The following ANKRD50 variants were observed in gnomAD, a reference collection of about 807,000 sequenced individuals.
ANKRD50 encodes the protein ankyrin repeat domain 50.
In ANKRD50, 40 loss-of-function variants were observed where a neutral mutation model predicts 112.0. The ratio of observed to expected loss-of-function variants is 0.36; its 90% CI spans 0.28 to 0.46. The LOEUF (loss-of-function observed/expected upper bound fraction) is 0.46, where lower values mean the gene tolerates loss of function less well. Among genes scored for constraint, ANKRD50 ranks in the 20% least tolerant of loss-of-function variants. The pLI, the probability that ANKRD50 is intolerant of heterozygous loss-of-function variation, is 1.00. For synonymous variants in ANKRD50, 613 were observed against 619.1 expected (o/e 0.99, Z 0.15); for missense variants, 1,487 against 1,701.7 (o/e 0.87, Z 2.22).
At chr4:124,686,321 A>T (rs1725006033) in intron 2 of ANKRD50, among the ~76,000 whole-genome samples, 1 of 152,174 alleles carries the variant, frequency 6.6e-6, no homozygotes, top group Non-Finnish European at 1.5e-5. Context: ...TTAACAAAAC[A>T]CCTCAGACAA....
At chr4:124,707,139 ATTT>A (rs1436690270) in intron 2 of ANKRD50, among the ~76,000 whole-genome samples, 1 of 152,018 alleles carries the variant, frequency 6.6e-6, no homozygotes, top group African/African-American at 2.4e-5. Context: ...AAAAATAAAT[ATTT>A]TCCTGCTGTT....
At chr4:124,700,274 C>T (rs544194964) in intron 2 of ANKRD50, among the ~76,000 whole-genome samples, 27 of 152,234 alleles carry the variant, frequency 1.8e-4, no homozygotes, top group African/African-American at 6.5e-4. Flanking sequence ...TAAAGTAGTA[C>T]AGGATAAGGT....
intron 1 of ANKRD50, 102 bp downstream of exon 1, chr4:124,712,356 A>AGGGT (rs1331461495): frequency 1.3e-5 from 2 of 152,872 alleles, no homozygotes; most frequent in Admixed American, 1.3e-4. Context: ...GAGGCCGGAG[A>AGGGT]GGGTGGGTGG....
At position 124,671,740 on chromosome 4, in the gene ANKRD50, G is replaced by A. The variant is rs753842227; in HGVS notation, c.1537C>T (p.Arg513Cys). 2.8e-5 allele frequency: 45 copies of A among 1,613,864 alleles called. 1 individual carries two copies. Among genetic ancestry groups the A allele is most frequent in the South Asian group, 2.7e-4 (25 of 91,090 alleles). ...GCTTGTCGAACTATGCATGATGTGCGATCGTCTTCACTGTTGACATGAGCC... is the reference window on the plus strand; with the variant it reads ...GCTTGTCGAACTATGCATGATGTGCAATCGTCTTCACTGTTGACATGAGCC... ...AGAHVNSEDD[R>C]TSCIVRQALE... Residue 513 changes from arginine (R) to cysteine (C), a missense_variant, in exon 4 of 5, where the codon CGC becomes TGC. Coordinates refer to ENST00000504087, the MANE Select transcript of ANKRD50 (RefSeq NM_020337.3).
At chr4:124,688,588 A>G (rs1347715636) in intron 2 of ANKRD50, among the ~76,000 whole-genome samples, 1 of 152,210 alleles carries the variant, frequency 6.6e-6, no homozygotes, top group Non-Finnish European at 1.5e-5. Context: ...ACTACCAGGG[A>G]GTCAGAATAC....
chr4:124,673,207 G>C lies in ANKRD50; in HGVS notation c.743-673C>G, dbSNP rs187503446. Among the ~76,000 whole-genome samples the C allele has an allele frequency of 1.9e-3, 283 of 152,074 alleles. 4 individuals carry two copies. Among genetic ancestry groups the C allele is most frequent in the Non-Finnish European group, 1.8e-3 (121 of 67,950 alleles). On this transcript the variant is annotated intron_variant, in intron 3 of 4. Coordinates refer to ENST00000504087, the MANE Select transcript of ANKRD50 (RefSeq NM_020337.3). ...TTTAAACCAACCTAAAAATATACTA[G>C]CTATAGCTATTTTAAACTCATTTTA...
chr4:124,671,805 G>T lies in ANKRD50; in HGVS notation c.1472C>A (p.Pro491His), dbSNP rs1730663260. 1.2e-6 allele frequency: 2 copies of T among 1,613,662 alleles called. No individual in the cohort carries two copies. Among genetic ancestry groups the T allele is most frequent in the African/African-American group, 2.7e-5 (2 of 74,826 alleles). ...CAGCTGTAGCACTTCTTGTTCCTTG[G>T]GTATCAAAGTAGAAAGGGAATCTCT... Reference protein sequence around the residue: ...PVRDSLSTLIPKEQEVLQLLV... With the variant: ...PVRDSLSTLIHKEQEVLQLLV... The change falls in exon 4 of 5, where the codon CCC becomes CAC. Residue 491 changes from proline (P) to histidine (H), a missense_variant. Around this residue, in one of 2 missense-constraint regions of ANKRD50, gnomAD observed 1,046 missense variants for 1,269.5 expected, o/e 0.82. Transcript: ENST00000504087.
chr4:124,667,920 A>G (rs1730536229), intron 4 of ANKRD50, among the ~76,000 whole-genome samples: 1 of 152,034 alleles, frequency 6.6e-6, no homozygotes, highest in African/African-American at 2.4e-5. Flanking sequence ...TGAGGAATTT[A>G]TCTATAATAG....
intron 4 of ANKRD50, 121 bp downstream of exon 4, chr4:124,668,863 C>T (rs952551075): frequency 1.1e-6 from 1 of 895,466 alleles, no homozygotes; most frequent in African/African-American, 1.7e-5. Flanking sequence ...GCAGGTCTGG[C>T]CCAGATGACA....
At chr4:124,675,071 A>C (rs1730742496) in intron 3 of ANKRD50, among the ~76,000 whole-genome samples, 1 of 151,846 alleles carries the variant, frequency 6.6e-6, no homozygotes, top group South Asian at 2.1e-4. Flanking sequence ...TTCTAGGGGA[A>C]TAAAAACATG....
intron 2 of ANKRD50, among the ~76,000 whole-genome samples, chr4:124,699,772 G>A (rs1315690536): frequency 3.4e-5 from 5 of 147,468 alleles, no homozygotes; most frequent in Admixed American, 2.7e-4. Flanking sequence ...TATATAAATT[G>A]TTCTACAAAA....
Position 124,670,022 on chromosome 4 carries a change from T to G in ANKRD50, c.3255A>C (p.Ala1085=), listed in dbSNP as rs978446637. ...DQFGRTAMRV[A]AKNGHSQIIK... Reference sequence around the variant, plus strand: ...TTATCTGAGAATGTCCATTTTTGGCTGCAACACGCATAGCAGTGCGTCCAA... The same window carrying G: ...TTATCTGAGAATGTCCATTTTTGGCGGCAACACGCATAGCAGTGCGTCCAA... The change falls in exon 4 of 5, where the codon GCA becomes GCC. Residue 1085 remains alanine, a synonymous_variant. Transcript: ENST00000504087. The G allele has an allele frequency of 1.9e-6, 3 of 1,610,892 alleles. No homozygotes were observed. In the African/African-American group the frequency reaches 4.0e-5, roughly 22 times the overall value.
intron 2 of ANKRD50, among the ~76,000 whole-genome samples, chr4:124,687,965 A>G (rs1421817016): frequency 6.6e-6 from 1 of 152,340 alleles, no homozygotes; most frequent in South Asian, 2.1e-4. Flanking sequence ...CACCTACTAC[A>G]TGTCCTAGCA....
chr4:124,680,154 T>C (rs987314796), intron 2 of ANKRD50, among the ~76,000 whole-genome samples: 4 of 152,184 alleles, frequency 2.6e-5, no homozygotes, highest in Non-Finnish European at 4.4e-5. Context: ...ACTAACAAAT[T>C]TGCAATTTTA....
intron 2 of ANKRD50, among the ~76,000 whole-genome samples, chr4:124,693,938 G>A (rs1692654984): frequency 6.6e-6 from 1 of 152,068 alleles, no homozygotes; most frequent in South Asian, 2.1e-4. Flanking sequence ...TTAAAGTCTT[G>A]CAAAAAGCCA....
chr4:124,675,742 A>AT (rs976148724), intron 3 of ANKRD50, among the ~76,000 whole-genome samples: 1 of 151,782 alleles, frequency 6.6e-6, no homozygotes, highest in Non-Finnish European at 1.5e-5. Context: ...TGGAGGGTTA[A>AT]TTTTTTGTGC....
rs1009117580 is a variant in ANKRD50 at position 124,666,664 on chromosome 4, A to C, written c.*854T>G. On this transcript the variant is annotated 3_prime_UTR_variant, in exon 5 of 5. Coordinates refer to ENST00000504087, the MANE Select transcript of ANKRD50 (RefSeq NM_020337.3). The stretch of plus-strand genomic sequence containing the variant: ...GACAGGTGCATTTCTCTCTGCACAC[A>C]CATGTGACTGAGGCATGGCTTTGTC... 6.6e-6 allele frequency: 1 copy of C among 152,422 alleles called. No homozygotes were observed. The highest frequency in any genetic ancestry group is 2.4e-5 in the African/African-American group (1 of 41,434). The allele number at this position is 152,422 out of a possible 1,614,324, so 9.4% of individuals were successfully genotyped here. A position where few individuals can be genotyped will look rare whatever the true frequency, so the allele number is the denominator to read the frequency against.
rs1200296348 is a variant in ANKRD50 at position 124,711,037 on chromosome 4, CG to C, written c.-527del. 1.8e-5 allele frequency: 6 copies of C among 325,100 alleles called. No homozygotes were observed. The highest frequency in any genetic ancestry group is 4.7e-5 in the Admixed American group (1 of 21,468). The allele number at this position is 325,100 out of a possible 1,614,324, so 20.1% of individuals were successfully genotyped here. ...AGTATGTAAGTAGCTCTGTATTTCTCGTTGAAGGATGATCACTCAAGAGTAC... is the reference window on the plus strand; with the variant it reads ...AGTATGTAAGTAGCTCTGTATTTCTCTTGAAGGATGATCACTCAAGAGTAC... On this transcript the variant is annotated 5_prime_UTR_variant, in exon 2 of 5. Transcript: ENST00000504087.
chr4:124,675,262 C>CA (rs1730748673), intron 3 of ANKRD50, among the ~76,000 whole-genome samples: 1 of 151,644 alleles, frequency 6.6e-6, no homozygotes, highest in South Asian at 2.1e-4. Context: ...TCTCAGGGTA[C>CA]CGCATTACGC....
Sources: allele counts gnomAD v4.1 joint callset (sites outside exome capture counted in the v4.1 genomes callset), GRCh38; gene constraint gnomAD v4.1.1; regional missense constraint gnomAD v4.1.1; transcripts MANE v1.5; gene names NCBI Gene and HGNC (gene_info 2026-07-23, HGNC 2026-07-21).